CNDP1: variants seen among roughly 807,000 people sequenced by gnomAD.
The protein encoded by CNDP1 is beta-Ala-His dipeptidase.
A neutral mutation model predicts 58.1 loss-of-function variants in CNDP1; 44 were observed. The ratio of observed to expected loss-of-function variants is 0.76; its 90% CI spans 0.60 to 0.97. CNDP1 has a LOEUF of 0.97. Ranked by LOEUF, CNDP1 falls within the 50% of genes least tolerant of loss-of-function variation. The probability of loss-of-function intolerance (pLI) is 0.00; values close to 1 mark genes in which losing one functional copy is unlikely to be tolerated. For synonymous variants in CNDP1, 254 were observed against 252.6 expected (o/e 1.01, Z -0.05); for missense variants, 616 against 655.1 (o/e 0.94, Z 0.65).
chr18:74,556,236 C>A, intron 1 of CNDP1, 102 bp from the exon 2 acceptor site: 1 of 1,281,292 alleles, frequency 7.8e-7, no homozygotes, highest in African/African-American at 1.5e-5. Context: ...TGACTGGAGG[C>A]AGCTGTGTGA....
At chr18:74,559,231 T>C (rs907153118) in intron 2 of CNDP1, 92 bp from the exon 3 acceptor site, 2 of 1,280,100 alleles carry the variant, frequency 1.6e-6, no homozygotes, top group African/African-American at 2.9e-5. Flanking sequence ...GAAAAGTACC[T>C]GGGGACTCGC....
At chr18:74,566,249 C>T (rs1981325661) in intron 5 of CNDP1, among the ~76,000 whole-genome samples, 1 of 152,232 alleles carries the variant, frequency 6.6e-6, no homozygotes, top group Admixed American at 6.5e-5. Flanking sequence ...GTGAAGGTCT[C>T]TGACATGACC....
In CNDP1 at chr18:74,558,457, C is replaced by T. The variant is rs531247393; in HGVS notation, c.154-866C>T. ...TCACCCAGACTGGAGTGCAGTGGCA[C>T]GATCTTGGCACACTGCAAGCTCCGC... On this transcript the variant is annotated intron_variant, in intron 2 of 11. Coordinates refer to ENST00000358821, the MANE Select transcript of CNDP1 (RefSeq NM_032649.6). Among the ~76,000 whole-genome samples, 22 of 135,008 alleles carry T rather than the reference C, an allele frequency of 1.6e-4. No individual in the cohort carries two copies. The South Asian group carries it at 4.4e-3, about 27-fold the overall frequency. 88.6% of individuals were successfully genotyped at this position (135,008 alleles called of 152,430 possible). A position where few individuals can be genotyped will look rare whatever the true frequency, so the allele number is the denominator to read the frequency against.
intron 1 of CNDP1, among the ~76,000 whole-genome samples, chr18:74,542,594 G>GT (rs1169110498): frequency 2.6e-5 from 4 of 152,068 alleles, no homozygotes; most frequent in Admixed American, 6.6e-5. Flanking sequence ...GATTTTGTTT[G>GT]TTTTTTTGTT....
intron 10 of CNDP1, among the ~76,000 whole-genome samples, chr18:74,581,218 C>CTGTGTGTGTG (rs56269857): frequency 0.012 from 1,651 of 138,478 alleles, 17 homozygotes; most frequent in African/African-American, 0.023. Context: ...CACACCTATC[C>CTGTGTGTGTG]TGTGTGTGTG....
chr18:74,583,399 A>G (rs542319453), intron 10 of CNDP1, among the ~76,000 whole-genome samples, 162 bp from the exon 11 acceptor site: 3 of 152,340 alleles, frequency 2.0e-5, no homozygotes, highest in Admixed American at 2.0e-4. Flanking sequence ...ATTGCATGAT[A>G]TCAAGGGGCT....
chr18:74,564,292 G>A (rs1981273726), intron 5 of CNDP1, among the ~76,000 whole-genome samples: 1 of 152,072 alleles, frequency 6.6e-6, no homozygotes, highest in South Asian at 2.1e-4. Context: ...TCTTAATGTG[G>A]TTCTCAAAGA....
intron 7 of CNDP1, among the ~76,000 whole-genome samples, chr18:74,575,784 C>T (rs1981616676): frequency 7.0e-6 from 1 of 143,438 alleles, no homozygotes; most frequent in South Asian, 2.3e-4. Flanking sequence ...GAAGGGATGA[C>T]AAAAATTTTT....
chr18:74,565,655 C>G (rs1981309120), intron 5 of CNDP1, among the ~76,000 whole-genome samples: 1 of 152,130 alleles, frequency 6.6e-6, no homozygotes, highest in African/African-American at 2.4e-5. Context: ...GGTGGGTTCC[C>G]ATGGTCTCGG....
At chr18:74,540,832 T>C (rs555581597) in intron 1 of CNDP1, among the ~76,000 whole-genome samples, 1 of 152,310 alleles carries the variant, frequency 6.6e-6, no homozygotes, top group South Asian at 2.1e-4. Context: ...AACGTGAACT[T>C]ACTGCAGATG....
At chr18:74,555,988 C>CT (rs144751884) in intron 1 of CNDP1, among the ~76,000 whole-genome samples, 8,122 of 152,238 alleles carry the variant, frequency 0.053, 222 homozygotes, top group East Asian at 0.13. Context: ...CTACCTTACT[C>CT]TTTTCTCTCT....
intron 7 of CNDP1, among the ~76,000 whole-genome samples, chr18:74,575,007 A>G (rs2144573255): frequency 7.0e-6 from 1 of 142,260 alleles, no homozygotes; most frequent in Non-Finnish European, 1.5e-5. Flanking sequence ...AAGGAAGGAA[A>G]GGAGGGGAAG....
chr18:74,537,760 A>C (rs528453753), intron 1 of CNDP1, among the ~76,000 whole-genome samples: 2 of 152,318 alleles, frequency 1.3e-5, no homozygotes, highest in Admixed American at 1.3e-4. Context: ...GGTACCTGGG[A>C]TATGGACTCT....
chr18:74,583,602 A>C lies in CNDP1; in HGVS notation c.1351A>C (p.Ile451Leu). ...AGATATGATCCGGGATGGATCCACC[A>C]TTCCAATTGCCAAAATGTTCCAGGA... ...EPDMIRDGSTIPIAKMFQEIV... is the reference protein window; with the variant it reads ...EPDMIRDGSTLPIAKMFQEIV... The change falls in exon 11 of 12, where the codon ATT becomes CTT. Residue 451 changes from isoleucine to leucine, a missense_variant. Coordinates refer to ENST00000358821, the MANE Select transcript of CNDP1 (RefSeq NM_032649.6). 1.2e-6 allele frequency: 2 copies of C among 1,614,160 alleles called. No individual in the cohort carries two copies. The highest frequency in any genetic ancestry group is 1.7e-6 in the Non-Finnish European group (2 of 1,179,998).
intron 6 of CNDP1, among the ~76,000 whole-genome samples, chr18:74,570,212 T>A (rs1981439744): frequency 1.4e-5 from 1 of 69,324 alleles, no homozygotes; most frequent in Non-Finnish European, 2.6e-5. Context: ...ATAATAATAA[T>A]AATAATTAAT....
At chr18:74,537,612 G>A (rs183302709) in intron 1 of CNDP1, among the ~76,000 whole-genome samples, 1 of 152,280 alleles carries the variant, frequency 6.6e-6, no homozygotes, top group East Asian at 1.9e-4. Context: ...GATGAGGTTT[G>A]GGGAGCTGGA....
At position 74,567,295 on chromosome 18, in the gene CNDP1, G is replaced by A; in HGVS notation, c.618G>A (p.Leu206=). ...EGMEEAGSVA[L]EELVEKEKDR... ...TGGAAGAGGCTGGCTCTGTTGCCCT[G>A]GAGGAACTTGTGGAAAAAGAAAAGG... The change falls in exon 6 of 12, where the codon CTG becomes CTA. Residue 206 remains leucine, a synonymous_variant. Coordinates refer to ENST00000358821, the MANE Select transcript of CNDP1 (RefSeq NM_032649.6). 6.2e-7 allele frequency: 1 copy of A among 1,614,132 alleles called. No individual in the cohort carries two copies. Among genetic ancestry groups the A allele is most frequent in the Non-Finnish European group, 8.5e-7 (1 of 1,179,978 alleles).
Position 74,583,702 on chromosome 18 carries a change from T to C in CNDP1, c.1451T>C (p.Ile484Thr). ...DDGEHSQNEKINRWNYIEGTK... is the reference protein window; with the variant it reads ...DDGEHSQNEKTNRWNYIEGTK... ...GGAGAACATTCGCAGAATGAGAAAA[T>C]CAACAGGTCAGCTGATGCCTGTGCA... Residue 484 changes from isoleucine to threonine, a missense_variant, in exon 11 of 12, where the codon ATC becomes ACC. Coordinates refer to ENST00000358821, the MANE Select transcript of CNDP1 (RefSeq NM_032649.6). The C allele has an allele frequency of 6.2e-7, 1 of 1,614,074 alleles. No homozygotes were observed. Among genetic ancestry groups the C allele is most frequent in the African/African-American group, 1.3e-5 (1 of 75,032 alleles).
intron 4 of CNDP1, 26 bp from the exon 5 acceptor site, chr18:74,562,021 T>C (rs1287049502): frequency 6.2e-7 from 1 of 1,605,468 alleles, no homozygotes; most frequent in Non-Finnish European, 8.5e-7. Context: ...CACACTTCTC[T>C]GAACATTCTT....
Sources: gnomAD v4.1 joint callset for allele counts (sites outside exome capture counted in the v4.1 genomes callset) on GRCh38, gnomAD v4.1.1 for gene constraint, MANE v1.5 for transcripts, NCBI Gene and HGNC (gene_info 2026-07-23, HGNC 2026-07-21) for gene names.